The following CDON variants were observed in gnomAD, a reference collection of about 807,000 sequenced individuals.
CDON encodes cell adhesion molecule-related/down-regulated by oncogenes.
CDON carries 73 observed loss-of-function variants against 120.9 expected under a neutral mutation model. That is an observed-to-expected ratio of 0.60 (90% CI 0.50 to 0.73). CDON has a LOEUF of 0.73. Ranked by LOEUF, CDON falls within the 30% of genes least tolerant of loss-of-function variation. The pLI, the probability that CDON is intolerant of heterozygous loss-of-function variation, is 0.00. For synonymous variants in CDON, 566 were observed against 573.5 expected, an observed-to-expected ratio of 0.99 and a Z score of 0.19; for missense variants, 1,470 against 1,587.3, an observed-to-expected ratio of 0.93 and a Z score of 1.26.
intron 15 of CDON, among the ~76,000 whole-genome samples, chr11:125,987,386 C>T (rs932765363): frequency 1.3e-5 from 2 of 152,184 alleles, no homozygotes; most frequent in African/African-American, 4.8e-5. Context: ...CCCTGAAAAC[C>T]TTCCTCAATT....
chr11:125,960,934 G>GC lies in CDON; in HGVS notation c.*7dup. ...GAAGTTGGAACATGACTGGTTGTTT[G>GC]CATGTCCTCAGGTTTCCCGGGGCTG... On this transcript the variant is annotated 3_prime_UTR_variant, in exon 20 of 20. Coordinates refer to ENST00000531738, the MANE Select transcript of CDON (RefSeq NM_001378964.1). 2.5e-6 allele frequency: 4 copies of GC among 1,613,816 alleles called. No homozygotes were observed. The highest frequency in any genetic ancestry group is 3.4e-6 in the Non-Finnish European group (4 of 1,179,930).
intron 1 of CDON, among the ~76,000 whole-genome samples, chr11:126,045,069 A>G (rs1313990235): frequency 3.3e-5 from 5 of 152,230 alleles, no homozygotes; most frequent in Non-Finnish European, 7.3e-5. Flanking sequence ...TCCGTCGCCC[A>G]GGCTGGAGTG....
intron 10 of CDON, among the ~76,000 whole-genome samples, chr11:126,002,849 C>A (rs1946990782): frequency 6.6e-6 from 1 of 152,176 alleles, no homozygotes; most frequent in Non-Finnish European, 1.5e-5. Context: ...TGGGATCTCT[C>A]CCCTACAGCC....
chr11:125,988,223 T>A (rs1019804238), intron 15 of CDON, among the ~76,000 whole-genome samples: 1 of 152,002 alleles, frequency 6.6e-6, no homozygotes, highest in Non-Finnish European at 1.5e-5. Flanking sequence ...TAGAGGACGT[T>A]GGGGGAAATT....
At chr11:126,045,192 A>AT (rs1948373319) in intron 1 of CDON, among the ~76,000 whole-genome samples, 1 of 151,874 alleles carries the variant, frequency 6.6e-6, no homozygotes, top group African/African-American at 2.4e-5. Context: ...TGTCCAGTTA[A>AT]TTTTTTTGTA....
rs991082511 is a variant in CDON at position 125,980,005 on chromosome 11, T to C, written c.3276+1044A>G. On this transcript the variant is annotated intron_variant, in intron 17 of 19. Transcript: ENST00000531738. ...CAAATAGATTTTAATAAATCTTTAA[T>C]AAACTGAAGATGGGGGGAAAAAAAA... Among the ~76,000 whole-genome samples the C allele has an allele frequency of 3.3e-5, 5 of 152,298 alleles. No homozygotes were observed. In the East Asian group the frequency reaches 9.6e-4, roughly 29 times the overall value.
intron 15 of CDON, among the ~76,000 whole-genome samples, chr11:125,984,440 T>C (rs1946403690): frequency 6.6e-6 from 1 of 152,226 alleles, no homozygotes; most frequent in African/African-American, 2.4e-5. Flanking sequence ...CTCACGCCTG[T>C]AATCCCAGCA....
chr11:126,025,593 A>G (rs1565538360), intron 1 of CDON, among the ~76,000 whole-genome samples: 2 of 152,176 alleles, frequency 1.3e-5, no homozygotes, highest in Non-Finnish European at 1.5e-5. Flanking sequence ...AAAACTAAAA[A>G]AGTTTCACAA....
chr11:125,970,172 GTTTTTTTTT>G, intron 18 of CDON, among the ~76,000 whole-genome samples: 1 of 103,180 alleles, frequency 9.7e-6, no homozygotes, highest in African/African-American at 3.7e-5. Context: ...GGTAGTTTAT[GTTTTTTTTT>G]TTTTTTTTTT....
rs1368159146 is a variant in CDON at position 125,960,745 on chromosome 11, G to C, written c.*197C>G. 3.3e-6 allele frequency: 2 copies of C among 609,460 alleles called. No individual in the cohort carries two copies. Among genetic ancestry groups the C allele is most frequent in the East Asian group, 2.8e-5 (1 of 35,174 alleles). The allele number at this position is 609,460 out of a possible 1,614,324, so 37.8% of individuals were successfully genotyped here. The stretch of plus-strand genomic sequence containing the variant: ...TCCTACCGAGGGGGAGGAAGGAATG[G>C]GGAAGAAAACATTTAAGGCATAAAT... On this transcript the variant is annotated 3_prime_UTR_variant, in exon 20 of 20. Transcript: ENST00000531738.
rs1945614733 is a variant in CDON, at chr11:125,960,578, C to A, written c.*364G>T. The A allele has an allele frequency of 4.0e-6, 1 of 252,718 alleles. No homozygotes were observed. The allele number at this position is 252,718 out of a possible 1,614,324, so 15.7% of individuals were successfully genotyped here. ...CAGCTGGTGGCAACCTTCAACGGGCCCCTGCATTCCCTCCTAGCCGAAGCA... is the reference window on the plus strand; with the variant it reads ...CAGCTGGTGGCAACCTTCAACGGGCACCTGCATTCCCTCCTAGCCGAAGCA... On this transcript the variant is annotated 3_prime_UTR_variant, in exon 20 of 20. Transcript: ENST00000531738.
chr11:126,008,633 C>T (rs1238092843), intron 8 of CDON, among the ~76,000 whole-genome samples: 1 of 152,182 alleles, frequency 6.6e-6, no homozygotes, highest in Non-Finnish European at 1.5e-5. Flanking sequence ...TGTCTCTCTA[C>T]ACCCTGTATT....
intron 1 of CDON, among the ~76,000 whole-genome samples, chr11:126,044,150 C>T (rs906595638): frequency 6.6e-6 from 1 of 152,196 alleles, no homozygotes; most frequent in African/African-American, 2.4e-5. Context: ...AGGAAACGAC[C>T]TTACACAAAG....
chr11:126,035,849 A>G (rs947171536), intron 1 of CDON, among the ~76,000 whole-genome samples: 2 of 152,156 alleles, frequency 1.3e-5, no homozygotes, highest in Non-Finnish European at 2.9e-5. Context: ...CATAGCATGA[A>G]GTTTTAGTCC....
At chr11:125,979,411 C>T (rs1244650511) in intron 17 of CDON, among the ~76,000 whole-genome samples, 3 of 152,148 alleles carry the variant, frequency 2.0e-5, no homozygotes, top group African/African-American at 7.2e-5. Context: ...ACCTGAAAGG[C>T]TCAGAAAATG....
intron 1 of CDON, among the ~76,000 whole-genome samples, chr11:126,040,188 A>ATATC (rs1185108643): frequency 2.5e-4 from 38 of 152,296 alleles, no homozygotes; most frequent in African/African-American, 8.9e-4. Context: ...GGTATATGGG[A>ATATC]TATCCCTGTA....
chr11:126,002,112 G>A (rs901436170), intron 10 of CDON, among the ~76,000 whole-genome samples: 2 of 152,040 alleles, frequency 1.3e-5, no homozygotes, highest in Non-Finnish European at 1.5e-5. Flanking sequence ...AAAAAAATAG[G>A]TGAAAAAGCC....
At chr11:125,964,166 CAG>C (rs1484169156) in intron 18 of CDON, among the ~76,000 whole-genome samples, 1 of 152,164 alleles carries the variant, frequency 6.6e-6, no homozygotes, top group Admixed American at 6.5e-5. Flanking sequence ...ATGGAATCTA[CAG>C]ACTCTAAACG....
intron 16 of CDON, 120 bp downstream of exon 16, chr11:125,983,752 T>C (rs761012049): frequency 3.2e-5 from 25 of 771,512 alleles, no homozygotes; most frequent in Non-Finnish European, 5.2e-5. Flanking sequence ...ATGAAGAGTA[T>C]CTAATGTGTT....
Sources: allele counts gnomAD v4.1 joint callset (sites outside exome capture counted in the v4.1 genomes callset), GRCh38; gene constraint gnomAD v4.1.1; transcripts MANE v1.5; gene names NCBI Gene and HGNC (gene_info 2026-07-23, HGNC 2026-07-21).